The following PLPPR5 variants were observed in gnomAD, a reference collection of about 807,000 sequenced individuals.
PLPPR5 encodes phospholipid phosphatase related 5.
PLPPR5 carries 16 observed loss-of-function variants against 33.9 expected under a neutral mutation model. The ratio of observed to expected loss-of-function variants is 0.47; its 90% CI spans 0.32 to 0.72. PLPPR5 has a LOEUF of 0.72. Ranked by LOEUF, PLPPR5 falls within the 30% of genes least tolerant of loss-of-function variation. The pLI, the probability that PLPPR5 is intolerant of heterozygous loss-of-function variation, is 0.03. For missense variants in PLPPR5, 301 were observed against 406.7 expected, an observed-to-expected ratio of 0.74 and a Z score of 2.23; for synonymous variants, 163 against 150.3, an observed-to-expected ratio of 1.08 and a Z score of -0.62.
intron 1 of PLPPR5, among the ~76,000 whole-genome samples, chr1:98,985,759 C>T (rs952870778): frequency 6.6e-6 from 1 of 152,028 alleles, no homozygotes; most frequent in Admixed American, 6.6e-5. Context: ...AAGCTGTACA[C>T]ATTGGTACAT....
chr1:98,937,209 T>C (rs909614824), intron 3 of PLPPR5, among the ~76,000 whole-genome samples: 1 of 152,102 alleles, frequency 6.6e-6, no homozygotes, highest in Non-Finnish European at 1.5e-5. Flanking sequence ...TGCTCTTTAT[T>C]GTTGCCATGC....
chr1:98,975,235 T>G (rs2100747202), intron 1 of PLPPR5, among the ~76,000 whole-genome samples: 1 of 152,220 alleles, frequency 6.6e-6, no homozygotes, highest in African/African-American at 2.4e-5. Flanking sequence ...ATCTCATTGG[T>G]TTATAGAGTA....
intron 1 of PLPPR5, among the ~76,000 whole-genome samples, chr1:98,985,836 T>C (rs756781955): frequency 6.6e-6 from 1 of 152,070 alleles, no homozygotes; most frequent in Non-Finnish European, 1.5e-5. Flanking sequence ...TAGGTTTGTG[T>C]AAGTACACTT....
chr1:99,004,753 A>G lies in PLPPR5; in HGVS notation c.-82T>C. ...CCCTCCCCGGTCCGCCGAGGCAGCC[A>G]CCGGGGGCGCGGCGGCGGAGGCGGC... On this transcript the variant is annotated 5_prime_UTR_variant, in exon 1 of 6. Coordinates refer to ENST00000263177, the MANE Select transcript of PLPPR5 (RefSeq NM_001037317.2). 1 of 951,788 alleles carries G rather than the reference A, an allele frequency of 1.1e-6. No homozygotes were observed. The highest frequency in any genetic ancestry group is 1.4e-6 in the Non-Finnish European group (1 of 731,934). The allele number at this position is 951,788 out of a possible 1,614,324, so 59.0% of individuals were successfully genotyped here.
intron 1 of PLPPR5, among the ~76,000 whole-genome samples, chr1:99,003,056 C>CATATATATATATATATATATAT (rs59686592): frequency 1.2e-5 from 1 of 81,118 alleles, no homozygotes; most frequent in Non-Finnish European, 2.2e-5. Flanking sequence ...ACTTATTTTA[C>CATATATATATATATATATATAT]ATATATATAT....
chr1:98,913,172 C>T (rs983307917), intron 5 of PLPPR5, among the ~76,000 whole-genome samples: 2 of 152,182 alleles, frequency 1.3e-5, no homozygotes, highest in Non-Finnish European at 2.9e-5. Context: ...TTATGGGAAG[C>T]TATTGCTTCT....
intron 1 of PLPPR5, among the ~76,000 whole-genome samples, chr1:98,981,761 AT>A (rs747611752): frequency 6.6e-6 from 1 of 152,058 alleles, no homozygotes; most frequent in Non-Finnish European, 1.5e-5. Context: ...CTAATAGGCC[AT>A]TTCATTTTGA....
chr1:98,914,081 A>G (rs1282259290), intron 5 of PLPPR5, among the ~76,000 whole-genome samples: 1 of 152,206 alleles, frequency 6.6e-6, no homozygotes, highest in African/African-American at 2.4e-5. Flanking sequence ...TGTGCCAGGC[A>G]TTGTGCTGAG....
intron 5 of PLPPR5, among the ~76,000 whole-genome samples, chr1:98,907,798 A>C (rs376570309): frequency 2.0e-5 from 3 of 152,196 alleles, no homozygotes; most frequent in Admixed American, 1.3e-4. Flanking sequence ...ATTTTCAGGA[A>C]GGTCACTTTG....
At chr1:98,923,126 C>T (rs1239434670) in intron 3 of PLPPR5, among the ~76,000 whole-genome samples, 1 of 152,158 alleles carries the variant, frequency 6.6e-6, no homozygotes, top group Non-Finnish European at 1.5e-5. Flanking sequence ...CAATTGATTG[C>T]AGCAAATGAA....
At chr1:98,999,346 A>G (rs1011306433) in intron 1 of PLPPR5, among the ~76,000 whole-genome samples, 1 of 152,198 alleles carries the variant, frequency 6.6e-6, no homozygotes, top group African/African-American at 2.4e-5. Flanking sequence ...ATTTTACAAT[A>G]GAGAAAACGG....
chr1:98,907,238 G>A (rs527332512), intron 5 of PLPPR5, among the ~76,000 whole-genome samples: 1 of 125,580 alleles, frequency 8.0e-6, no homozygotes, highest in African/African-American at 3.2e-5. Flanking sequence ...GTCTCACTCT[G>A]TTGTCCAGGC....
At chr1:98,908,336 T>C (rs902631687) in intron 5 of PLPPR5, among the ~76,000 whole-genome samples, 9 of 152,184 alleles carry the variant, frequency 5.9e-5, no homozygotes, top group African/African-American at 2.2e-4. Context: ...TTACTGTAGT[T>C]TTCACTCTTG....
rs761019187 is a variant in PLPPR5, at chr1:99,004,702, C to T, written c.-31G>A. 24 of 1,459,528 alleles carry T rather than the reference C, an allele frequency of 1.6e-5. No homozygotes were observed. The highest frequency in any genetic ancestry group is 2.1e-5 in the Non-Finnish European group (23 of 1,095,192). The allele number at this position is 1,459,528 out of a possible 1,614,324, so 90.4% of individuals were successfully genotyped here. On this transcript the variant is annotated 5_prime_UTR_variant, in exon 1 of 6. Transcript: ENST00000263177. ...CCTCCCGGGCCGGGCCGAGCCGAGC[C>T]GAGCGGGCGGTCGACGCGGTGGGCC...
chr1:98,905,829 C>T (rs187411252), intron 5 of PLPPR5, among the ~76,000 whole-genome samples: 1 of 151,916 alleles, frequency 6.6e-6, no homozygotes, highest in African/African-American at 2.4e-5. Context: ...TAGTTTAATT[C>T]CTAAATTCTT....
At chr1:98,921,785 C>T in intron 4 of PLPPR5, 97 bp downstream of exon 4, 6 of 978,924 alleles carry the variant, frequency 6.1e-6, no homozygotes, top group Non-Finnish European at 9.1e-6. Context: ...TGATATACTA[C>T]ATTTAGACAA....
chr1:98,953,919 T>A (rs55775299), intron 2 of PLPPR5, among the ~76,000 whole-genome samples: 12,917 of 152,188 alleles, frequency 0.085, 592 homozygotes, highest in African/African-American at 0.11. Flanking sequence ...ACATTTTTTT[T>A]AAAGTCATAG....
At chr1:98,951,269 C>G (rs1650772912) in intron 3 of PLPPR5, among the ~76,000 whole-genome samples, 1 of 152,106 alleles carries the variant, frequency 6.6e-6, no homozygotes. Flanking sequence ...AAACATGTAG[C>G]CAAGAGATTT....
At chr1:98,939,912 C>T (rs747516909) in intron 3 of PLPPR5, among the ~76,000 whole-genome samples, 2 of 151,814 alleles carry the variant, frequency 1.3e-5, no homozygotes, top group Non-Finnish European at 2.9e-5. Context: ...TATTATTTAT[C>T]GTAGAGAACG....
Sources: gnomAD v4.1 joint callset for allele counts (sites outside exome capture counted in the v4.1 genomes callset) on GRCh38, gnomAD v4.1.1 for gene constraint, MANE v1.5 for transcripts, NCBI Gene and HGNC (gene_info 2026-07-23, HGNC 2026-07-21) for gene names.